FMN1: variants seen among roughly 807,000 people sequenced by gnomAD.
FMN1 encodes formin 1.
FMN1 carries 110 observed loss-of-function variants against 132.4 expected under a neutral mutation model. The ratio of observed to expected loss-of-function variants is 0.83; its 90% confidence interval spans 0.71 to 0.97. The LOEUF is 0.97. Among genes scored for constraint, FMN1 ranks in the 50% least tolerant of loss-of-function variants. The pLI is 0.00. For missense variants in FMN1, 1,792 were observed against 1,705.3 expected, an observed-to-expected ratio of 1.05 and a Z score of -0.90; for synonymous variants, 722 against 651.7, an observed-to-expected ratio of 1.11 and a Z score of -1.64.
At chr15:32,941,498 C>T (rs2061400123) in intron 9 of FMN1, among the ~76,000 whole-genome samples, 1 of 152,206 alleles carries the variant, frequency 6.6e-6, no homozygotes, top group Non-Finnish European at 1.5e-5. Context: ...TAGCCATTTT[C>T]TCTCAAACAA....
intron 7 of FMN1, among the ~76,000 whole-genome samples, chr15:32,975,262 T>TA (rs944509478): frequency 7.2e-5 from 11 of 152,204 alleles, no homozygotes; most frequent in African/African-American, 2.7e-4. Flanking sequence ...TTTGCAAATC[T>TA]AAAAACTCCA....
At position 32,773,116 on chromosome 15, in the gene FMN1, A is replaced by C. The variant is rs1391255481; in HGVS notation, c.*1194T>G. 1 of 152,254 alleles carries C rather than the reference A, an allele frequency of 6.6e-6. No homozygotes were observed. The highest frequency in any genetic ancestry group is 1.9e-4 in the East Asian group (1 of 5,202). The allele number at this position is 152,254 out of a possible 1,614,324, so 9.4% of individuals were successfully genotyped here. ...AAGACAAAAGTGTCAGAGAGGTCAA[A>C]GGTGGTTTCCTTATGTGACTCAAGA... On this transcript the variant is annotated 3_prime_UTR_variant, in exon 21 of 21. Transcript: ENST00000616417.
intron 7 of FMN1, among the ~76,000 whole-genome samples, chr15:33,000,405 T>C (rs1381949471): frequency 7.1e-6 from 1 of 141,498 alleles, no homozygotes; most frequent in African/African-American, 2.6e-5. Context: ...GCCGAGATCC[T>C]GCCACTGCAC....
In FMN1 at chr15:32,913,121, T is replaced by A. The variant is rs186779502; in HGVS notation, c.3227-2586A>T. 1.2e-4 allele frequency among the ~76,000 whole-genome samples: 18 copies of A among 152,228 alleles called. No homozygotes were observed. In the East Asian group the frequency reaches 3.3e-3, roughly 28 times the overall value. On this transcript the variant is annotated intron_variant, in intron 10 of 20. Transcript: ENST00000616417. Reference sequence around the variant, plus strand: ...TCTGATCGCGGTTACTAGGAAACCCTTCCAGTCCTTTAAAACCCCACTCAA... The same window carrying A: ...TCTGATCGCGGTTACTAGGAAACCCATCCAGTCCTTTAAAACCCCACTCAA...
Position 33,154,878 on chromosome 15 carries a change from G to T in FMN1, c.37C>A (p.Pro13Thr). Residue 13 changes from proline to threonine, a missense_variant, in exon 4 of 21, where the codon CCC becomes ACC. Physicochemically the swap from Pro to Thr is conservative, Grantham distance 38. This residue lies in a region of FMN1 where 638 missense variants were observed against 645.2 expected (regional missense o/e 0.99). Coordinates refer to ENST00000616417, the MANE Select transcript of FMN1 (RefSeq NM_001277313.2). ...GTHCTLQLHK[P>T]ITELCYISFC... ...CTGATGTAGCAGAGTTCCGTAATGG[G>T]CTTATGCAATTGGAGGGTACAATGA... 6.5e-7 allele frequency: 1 copy of T among 1,535,984 alleles called. No individual in the cohort carries two copies. The highest frequency in any genetic ancestry group is 8.7e-7 in the Non-Finnish European group (1 of 1,146,824).
intron 10 of FMN1, among the ~76,000 whole-genome samples, chr15:32,910,796 C>G (rs1039503170): frequency 6.6e-6 from 1 of 152,194 alleles, no homozygotes; most frequent in Non-Finnish European, 1.5e-5. Flanking sequence ...AATTTAGGCT[C>G]CACAGGAGAA....
At position 32,768,994 on chromosome 15, in the gene FMN1, T is replaced by C. The variant is rs1258724; in HGVS notation, c.*5316A>G. The C allele has an allele frequency of 0.24, 31,221 of 132,032 alleles. 3,441 individuals are homozygous for C. The highest frequency in any genetic ancestry group is 0.29 in the Non-Finnish European group (17,166 of 59,426). The allele number at this position is 132,032 out of a possible 1,614,324, so 8.2% of individuals were successfully genotyped here. The stretch of plus-strand genomic sequence containing the variant: ...AAGGTAAGAGAGAAAAGGTCTTCTA[T>C]GGCCCTGGTTATCACCATAGTTAGG... On this transcript the variant is annotated 3_prime_UTR_variant, in exon 21 of 21. Coordinates refer to ENST00000616417, the MANE Select transcript of FMN1 (RefSeq NM_001277313.2).
intron 9 of FMN1, among the ~76,000 whole-genome samples, chr15:32,929,436 A>G (rs1309832350): frequency 2.6e-5 from 4 of 152,170 alleles, no homozygotes; most frequent in Non-Finnish European, 5.9e-5. Flanking sequence ...TATTTTTATG[A>G]AAAGTGCACA....
In FMN1 at chr15:32,914,068, C is replaced by T. The variant is rs559250453; in HGVS notation, c.3227-3533G>A. Among the ~76,000 whole-genome samples the T allele has an allele frequency of 6.6e-5, 10 of 152,272 alleles. No homozygotes were observed. The East Asian group carries it at 7.7e-4, about 12-fold the overall frequency. On this transcript the variant is annotated intron_variant, in intron 10 of 20. Coordinates refer to ENST00000616417, the MANE Select transcript of FMN1 (RefSeq NM_001277313.2). Reference sequence around the variant, plus strand: ...TAATTGTGCCCCCAACTCACACACTCGGTGTAGATTATACCGCTTGCCTGA... The same window carrying T: ...TAATTGTGCCCCCAACTCACACACTTGGTGTAGATTATACCGCTTGCCTGA...
intron 7 of FMN1, among the ~76,000 whole-genome samples, chr15:32,997,968 T>C (rs890378021): frequency 1.3e-5 from 2 of 152,176 alleles, no homozygotes; most frequent in Admixed American, 6.5e-5. Flanking sequence ...AAAAAATAAA[T>C]GTTACTCAGC....
chr15:33,035,167 G>C (rs934774030), intron 6 of FMN1, among the ~76,000 whole-genome samples: 1 of 152,062 alleles, frequency 6.6e-6, no homozygotes, highest in African/African-American at 2.4e-5. Context: ...TAAATAACAG[G>C]ATCTAGTGGC....
intron 4 of FMN1, among the ~76,000 whole-genome samples, chr15:33,114,232 T>C (rs1018078798): frequency 6.6e-6 from 1 of 152,196 alleles, no homozygotes; most frequent in East Asian, 1.9e-4. Context: ...GCCAGGCCTA[T>C]GGGTTATTAT....
At chr15:32,796,667 C>G (rs1429337380) in intron 19 of FMN1, among the ~76,000 whole-genome samples, 1 of 152,142 alleles carries the variant, frequency 6.6e-6, no homozygotes. Context: ...ATGTGTGATT[C>G]TAACAGGAAA....
chr15:32,924,574 C>T (rs1372521627), intron 10 of FMN1, among the ~76,000 whole-genome samples: 1 of 152,148 alleles, frequency 6.6e-6, no homozygotes. Flanking sequence ...CTACTGAAAC[C>T]ATCTAAGAGA....
In FMN1 at chr15:32,869,915, A is replaced by T. The variant is rs139624178; in HGVS notation, c.3836-12808T>A. Among the ~76,000 whole-genome samples, 321 of 152,302 alleles carry T rather than the reference A, an allele frequency of 2.1e-3. 2 individuals are homozygous for T. Among genetic ancestry groups the T allele is most frequent in the African/African-American group, 7.5e-3 (312 of 41,576 alleles). ...TCCAGGGAAGTTGGGGGTGCGGGGA[A>T]AAAGCCAGCTTGGAGAGGCGTGAGG... On this transcript the variant is annotated intron_variant, in intron 16 of 20. Coordinates refer to ENST00000616417, the MANE Select transcript of FMN1 (RefSeq NM_001277313.2).
At chr15:32,889,806 A>G (rs2059982183) in intron 15 of FMN1, among the ~76,000 whole-genome samples, 1 of 152,160 alleles carries the variant, frequency 6.6e-6, no homozygotes, top group Admixed American at 6.5e-5. Flanking sequence ...ATTGGGGTAG[A>G]GGTGGTATTT....
At position 33,108,785 on chromosome 15, in the gene FMN1, G is replaced by A. The variant is rs529616813; in HGVS notation, c.1868-19811C>T. Reference sequence around the variant, plus strand: ...GTCACTTCAAAGAGACCTTCAAGAGGCAACATTTGCCCAAACAACTCCCCT... The same window carrying A: ...GTCACTTCAAAGAGACCTTCAAGAGACAACATTTGCCCAAACAACTCCCCT... On this transcript the variant is annotated intron_variant, in intron 4 of 20. Transcript: ENST00000616417. 2.6e-5 allele frequency among the ~76,000 whole-genome samples: 4 copies of A among 152,082 alleles called. No homozygotes were observed. The East Asian group carries it at 7.7e-4, about 29-fold the overall frequency.
chr15:32,995,467 C>T (rs1014670087), intron 7 of FMN1, among the ~76,000 whole-genome samples: 3 of 151,990 alleles, frequency 2.0e-5, no homozygotes, highest in African/African-American at 7.3e-5. Context: ...TTCTGTTTTC[C>T]CAAATAAATA....
At chr15:33,011,693 TACTTGCAAC>T (rs1489177451) in intron 6 of FMN1, among the ~76,000 whole-genome samples, 1 of 151,954 alleles carries the variant, frequency 6.6e-6, no homozygotes, top group Admixed American at 6.6e-5. Flanking sequence ...TGGGAGAATA[TACTTGCAAC>T]ACCATCAATC....
Sources: allele counts gnomAD v4.1 joint callset (sites outside exome capture counted in the v4.1 genomes callset), GRCh38; gene constraint gnomAD v4.1.1; regional missense constraint gnomAD v4.1.1; transcripts MANE v1.5; gene names NCBI Gene and HGNC (gene_info 2026-07-23, HGNC 2026-07-21).